The following HERC3 variants were observed in gnomAD, a reference collection of about 807,000 sequenced individuals.
The protein encoded by HERC3 is HECT and RLD domain containing E3 ubiquitin protein ligase 3.
HERC3 carries 58 observed loss-of-function variants against 129.9 expected under a neutral mutation model. That is an observed-to-expected ratio of 0.45 (90% confidence interval 0.36 to 0.56). The LOEUF is 0.56. Among genes scored for constraint, HERC3 ranks in the 20% least tolerant of loss-of-function variants. The pLI is 0.00. For synonymous variants in HERC3, 430 were observed against 451.0 expected (o/e 0.95, Z 0.59); for missense variants, 835 against 1,244.2 (o/e 0.67, Z 4.95).
At chr4:88,588,752 A>G (rs1350219259), upstream of HERC3, among the ~76,000 whole-genome samples, 2 of 152,244 alleles carry the variant, frequency 1.3e-5, no homozygotes, top group Non-Finnish European at 2.9e-5. Flanking sequence ...TTACCATTCT[A>G]TTGAAAAATG....
upstream of HERC3, among the ~76,000 whole-genome samples, chr4:88,591,800 T>G (rs566373047): frequency 9.9e-5 from 15 of 152,284 alleles, no homozygotes; most frequent in South Asian, 3.1e-3. Flanking sequence ...TCTTTCAGAT[T>G]ACAAGATTTT....
chr4:88,700,117 T>C (rs916812882), intron 23 of HERC3, among the ~76,000 whole-genome samples: 2 of 152,018 alleles, frequency 1.3e-5, no homozygotes, highest in Non-Finnish European at 2.9e-5. Flanking sequence ...CAGAGTACAT[T>C]TGAGATTGAT....
intron 2 of HERC3, among the ~76,000 whole-genome samples, chr4:88,604,854 A>G (rs997126075): frequency 2.6e-5 from 4 of 152,200 alleles, no homozygotes; most frequent in African/African-American, 9.7e-5. Context: ...TTATAAGCCA[A>G]TGTAGTATGG....
At chr4:88,701,363 T>C (rs576142633) in intron 23 of HERC3, among the ~76,000 whole-genome samples, 3 of 152,340 alleles carry the variant, frequency 2.0e-5, no homozygotes, top group African/African-American at 7.2e-5. Flanking sequence ...ACTTATCCAC[T>C]GTATTACACC....
intron 2 of HERC3, among the ~76,000 whole-genome samples, chr4:88,601,062 A>G (rs1009911528): frequency 1.3e-4 from 20 of 152,302 alleles, no homozygotes; most frequent in African/African-American, 3.8e-4. Context: ...TTTTATTTCT[A>G]CTTCCCTCTC....
chr4:88,674,659 G>T (rs561284896), intron 16 of HERC3, among the ~76,000 whole-genome samples: 1 of 152,104 alleles, frequency 6.6e-6, no homozygotes, highest in Admixed American at 6.5e-5. Flanking sequence ...ACTTAGCTTT[G>T]TATAGTGCTG....
chr4:88,628,557 A>T (rs1395725450), intron 3 of HERC3, among the ~76,000 whole-genome samples: 2 of 152,146 alleles, frequency 1.3e-5, no homozygotes, highest in Non-Finnish European at 2.9e-5. Flanking sequence ...AGAAGACTGC[A>T]ATTTCAGAGA....
intron 3 of HERC3, among the ~76,000 whole-genome samples, chr4:88,615,298 T>G (rs1042478614): frequency 6.6e-6 from 1 of 152,178 alleles, no homozygotes; most frequent in Non-Finnish European, 1.5e-5. Flanking sequence ...GAATGGGGTA[T>G]ATCTGGTCAG....
the HERC3 span, among the ~76,000 whole-genome samples, chr4:88,552,564 T>C: frequency 6.6e-6 from 1 of 152,346 alleles, no homozygotes; most frequent in East Asian, 1.9e-4. Flanking sequence ...ACATTTTCTT[T>C]ATCCAATCCA....
chr4:88,527,784 C>G, the HERC3 span: 1 of 321,418 alleles, frequency 3.1e-6, no homozygotes, highest in Non-Finnish European at 6.1e-6. Context: ...TGCCGGTTAT[C>G]CTCCTTGCTG....
At chr4:88,619,293 G>T (rs1434288261) in intron 3 of HERC3, among the ~76,000 whole-genome samples, 1 of 152,158 alleles carries the variant, frequency 6.6e-6, no homozygotes, top group Non-Finnish European at 1.5e-5. Context: ...CTTATTTTTA[G>T]TCAGGCTTTC....
chr4:88,600,400 C>T (rs530464104), intron 2 of HERC3, among the ~76,000 whole-genome samples: 195 of 152,310 alleles, frequency 1.3e-3, no homozygotes, highest in African/African-American at 3.5e-3. Context: ...AGCCAGCTGA[C>T]GCATAACCTT....
chr4:88,685,045 T>C (rs1407200432), intron 21 of HERC3: 1 of 152,180 alleles, frequency 6.6e-6, no homozygotes, highest in Non-Finnish European at 1.5e-5. Flanking sequence ...CACAATGAGA[T>C]ACCATCTCAC....
the HERC3 span, among the ~76,000 whole-genome samples, chr4:88,538,567 G>A: frequency 1.1e-4 from 14 of 130,212 alleles, no homozygotes; most frequent in African/African-American, 3.5e-4. Flanking sequence ...TTTTTTTGAC[G>A]AAGTCTCGCT....
intron 23 of HERC3, among the ~76,000 whole-genome samples, chr4:88,687,519 A>G (rs1018136066): frequency 1.3e-5 from 2 of 152,212 alleles, no homozygotes; most frequent in Non-Finnish European, 2.9e-5. Flanking sequence ...CTAGAGCTGC[A>G]TCTTTTTGGC....
At chr4:88,704,670 G>T in intron 25 of HERC3, 60 bp downstream of exon 25, 1 of 1,006,188 alleles carries the variant, frequency 9.9e-7, no homozygotes, top group East Asian at 2.5e-5. Context: ...ATACAGTATA[G>T]GATGACATGC....
the HERC3 span, among the ~76,000 whole-genome samples, chr4:88,582,598 C>G: frequency 1.3e-5 from 2 of 152,200 alleles, no homozygotes; most frequent in East Asian, 3.8e-4. Flanking sequence ...TTGCATCAAA[C>G]AACCAGTCAA....
Position 88,606,016 on chromosome 4 carries a change from C to A in HERC3, c.193C>A (p.Gln65Lys). ...CACATGTGGTTTGAACACCAAGGGG[C>A]AACTGGGCCATGAGAGGGAAGGAAA... ...VYTCGLNTKGQLGHEREGNKP... is the reference protein window; with the variant it reads ...VYTCGLNTKGKLGHEREGNKP... The change falls in exon 3 of 26, where the codon CAA becomes AAA. Residue 65 changes from glutamine (Q) to lysine (K), a missense_variant. Gln to Lys is a moderately conservative substitution (Grantham distance 53). Coordinates refer to ENST00000402738, the MANE Select transcript of HERC3 (RefSeq NM_014606.3). The A allele has an allele frequency of 6.2e-7, 1 of 1,613,882 alleles. No individual in the cohort carries two copies. The highest frequency in any genetic ancestry group is 8.5e-7 in the Non-Finnish European group (1 of 1,179,854).
Position 88,607,647 on chromosome 4 carries a change from T to A in HERC3, c.226+1598T>A, listed in dbSNP as rs75861943. Among the ~76,000 whole-genome samples, 1,150 of 152,284 alleles carry A rather than the reference T, an allele frequency of 7.6e-3. 12 individuals are homozygous for A. Among genetic ancestry groups the A allele is most frequent in the African/African-American group, 0.027 (1,113 of 41,548 alleles). On this transcript the variant is annotated intron_variant, in intron 3 of 25. Transcript: ENST00000402738. Reference sequence around the variant, plus strand: ...ACCTGCTAATTTTTTAATTTTTGTTTTAGTAGAGACGGAGTTTTGCCATGT... The same window carrying A: ...ACCTGCTAATTTTTTAATTTTTGTTATAGTAGAGACGGAGTTTTGCCATGT...
Sources: gnomAD v4.1 joint callset for allele counts (sites outside exome capture counted in the v4.1 genomes callset) on GRCh38, gnomAD v4.1.1 for gene constraint, MANE v1.5 for transcripts, NCBI Gene and HGNC (gene_info 2026-07-23, HGNC 2026-07-21) for gene names.